The following HIPK2 variants were observed in gnomAD, a reference collection of about 807,000 sequenced individuals.
HIPK2 encodes homeodomain interacting protein kinase 2.
Under a neutral mutation model 113.7 loss-of-function variants are expected in HIPK2, and 27 were observed. That is an observed-to-expected ratio of 0.24 (90% confidence interval 0.17 to 0.33). The LOEUF is 0.33. HIPK2 is among the 10% of genes least tolerant of loss of function. The pLI, the probability that HIPK2 is intolerant of heterozygous loss-of-function variation, is 1.00. For missense variants in HIPK2, 1,257 were observed against 1,588.0 expected, an observed-to-expected ratio of 0.79 and a Z score of 3.54; for synonymous variants, 631 against 642.2, an observed-to-expected ratio of 0.98 and a Z score of 0.26.
chr7:139,686,400 T>C (rs775955529), intron 2 of HIPK2, among the ~76,000 whole-genome samples: 1 of 152,254 alleles, frequency 6.6e-6, no homozygotes, highest in African/African-American at 2.4e-5. Context: ...TTTAGAATAT[T>C]TGATATGGTT....
intron 10 of HIPK2, among the ~76,000 whole-genome samples, chr7:139,603,403 G>C (rs1483409250): frequency 6.6e-6 from 1 of 152,120 alleles, no homozygotes; most frequent in Non-Finnish European, 1.5e-5. Flanking sequence ...AAATAACAGA[G>C]GAGCGCATCT....
rs1179907947 is a variant in HIPK2 at position 139,573,269 on chromosome 7, C to T, written c.3255G>A (p.Pro1085=). 18 of 1,604,432 alleles carry T rather than the reference C, an allele frequency of 1.1e-5. No homozygotes were observed. Among genetic ancestry groups the T allele is most frequent in the Non-Finnish European group, 1.5e-5 (18 of 1,179,714 alleles). The change falls in exon 15 of 15, where the codon CCG becomes CCA. Residue 1085 remains proline (P), a synonymous_variant. Coordinates refer to ENST00000406875, the MANE Select transcript of HIPK2 (RefSeq NM_022740.5). ...CAGCGGCAGCGGCTGCAGCCAGATG[C>T]GGGTGCACAGTGCCGTGGCTGGGGC... is the stretch of plus-strand genomic sequence containing the variant. ...HNSPSHGTVH[P]HLAAAAAAAH...
chr7:139,583,608 G>A (rs995787820), intron 13 of HIPK2: 2 of 645,882 alleles, frequency 3.1e-6, no homozygotes, highest in South Asian at 2.0e-5. Flanking sequence ...TTGATTACAG[G>A]ATTAAAGAAG....
At chr7:139,766,726 C>A (rs1342486531) in intron 1 of HIPK2, among the ~76,000 whole-genome samples, 1 of 152,212 alleles carries the variant, frequency 6.6e-6, no homozygotes, top group Non-Finnish European at 1.5e-5. Flanking sequence ...TGAGTCCTTG[C>A]ATACATTATT....
In HIPK2 at chr7:139,630,003, T is replaced by A. The variant is rs1800555409; in HGVS notation, c.1348-964A>T. Among the ~76,000 whole-genome samples the A allele has an allele frequency of 6.6e-6, 1 of 151,994 alleles. No individual in the cohort carries two copies. The highest frequency in any genetic ancestry group is 2.4e-5 in the African/African-American group (1 of 41,370). The stretch of plus-strand genomic sequence containing the variant: ...TTTTGTGACTACTGGATATATATTA[T>A]CTTTAAACCATATTAGGATTTGGCT... On this transcript the variant is annotated intron_variant, in intron 4 of 14. Coordinates refer to ENST00000406875, the MANE Select transcript of HIPK2 (RefSeq NM_022740.5). This position sits in a 1 kb window ranked among gnomAD's most constrained non-coding sequence, Gnocchi z 4.0.
rs904010200 is a variant in HIPK2, at chr7:139,565,773, T to C, written c.*7154A>G. ...AAAGTTCCTGGACACCAGACCCACA[T>C]ATGGTATTTACAAATTTGGTGTGAA... On this transcript the variant is annotated 3_prime_UTR_variant, in exon 15 of 15. Coordinates refer to ENST00000406875, the MANE Select transcript of HIPK2 (RefSeq NM_022740.5). The C allele has an allele frequency of 8.6e-5, 13 of 151,204 alleles. No individual in the cohort carries two copies. The highest frequency in any genetic ancestry group is 2.4e-4 in the African/African-American group (10 of 41,166). 9.4% of individuals were successfully genotyped at this position (151,204 alleles called of 1,614,324 possible). A position where few individuals can be genotyped will look rare whatever the true frequency, so the allele number is the denominator to read the frequency against.
At chr7:139,625,659 G>A (rs936190996) in intron 6 of HIPK2, among the ~76,000 whole-genome samples, 6 of 152,108 alleles carry the variant, frequency 3.9e-5, no homozygotes, top group Non-Finnish European at 8.8e-5. Context: ...CACTTCCTGG[G>A]AGTCTTCCTG....
At chr7:139,604,289 A>C (rs1176534827) in intron 9 of HIPK2, 66 bp from the exon 10 acceptor site, 1 of 1,546,994 alleles carries the variant, frequency 6.5e-7, no homozygotes, top group Non-Finnish European at 8.8e-7. Context: ...GCATGAACCC[A>C]CACTTATTCT....
chr7:139,655,872 C>G (rs1421241424), intron 2 of HIPK2, among the ~76,000 whole-genome samples: 1 of 152,140 alleles, frequency 6.6e-6, no homozygotes. Context: ...ATTGGATGAT[C>G]ATTTAACCAT....
At chr7:139,625,617 C>T (rs1403328542) in intron 6 of HIPK2, among the ~76,000 whole-genome samples, 2 of 152,206 alleles carry the variant, frequency 1.3e-5, no homozygotes, top group Non-Finnish European at 2.9e-5. Flanking sequence ...CCTGCCTGCT[C>T]ATGCCCATCC....
intron 2 of HIPK2, among the ~76,000 whole-genome samples, chr7:139,705,384 T>C (rs1585399607): frequency 6.8e-6 from 1 of 146,392 alleles, no homozygotes; most frequent in Non-Finnish European, 1.5e-5. Context: ...GTTTCCCCCT[T>C]TTTTTTTTTT....
At chr7:139,691,803 T>C (rs1353933442) in intron 2 of HIPK2, among the ~76,000 whole-genome samples, 1 of 152,236 alleles carries the variant, frequency 6.6e-6, no homozygotes, top group Non-Finnish European at 1.5e-5. Context: ...GCTGCTCTGA[T>C]GATTAAATGA....
intron 9 of HIPK2, among the ~76,000 whole-genome samples, chr7:139,607,007 AT>A (rs1157230534): frequency 1.3e-5 from 2 of 152,242 alleles, no homozygotes; most frequent in Non-Finnish European, 2.9e-5. Flanking sequence ...GAGTTAAAAA[AT>A]ATATCCATGA....
rs1343026838 is a variant in HIPK2, at chr7:139,597,013, C to CCACACT, written c.2436-21_2436-16dup. On this transcript the variant is annotated splice_polypyrimidine_tract_variant and intron_variant, in intron 11 of 14. Coordinates refer to ENST00000406875, the MANE Select transcript of HIPK2 (RefSeq NM_022740.5). ...TGGAGACATTTCTGTAATGAGAAAA[C>CCACACT]CACACTCTCACACAGAGGAAGGTCA... 1 of 1,581,782 alleles carries CCACACT rather than the reference C, an allele frequency of 6.3e-7. No individual in the cohort carries two copies.
In HIPK2 at chr7:139,716,495, G is replaced by A. The variant is rs371112455; in HGVS notation, c.540C>T (p.Ser180=). 3.3e-5 allele frequency: 54 copies of A among 1,614,016 alleles called. 1 individual carries two copies. The South Asian group carries it at 4.5e-4, about 13-fold the overall frequency. Residue 180 remains serine, a synonymous_variant, in exon 2 of 15, where the codon AGC becomes AGT. Transcript: ENST00000406875. This position sits in a 1 kb window ranked among gnomAD's most constrained non-coding sequence, Gnocchi z 9.3. ...GCTGCACCAGCTGATAGTCGCCCTC[G>A]CTGTTGGAGCCGCTGTTTTTGGAGG... The part of the protein sequence containing the change: ...TATSKNSGSN[S]EGDYQLVQHE...
intron 2 of HIPK2, among the ~76,000 whole-genome samples, chr7:139,691,789 C>G (rs539186458): frequency 2.0e-5 from 3 of 152,172 alleles, no homozygotes; most frequent in African/African-American, 7.2e-5. Context: ...GGGGATGAAA[C>G]GGAGCTGCTC....
intron 13 of HIPK2, chr7:139,583,604 A>T: frequency 1.6e-6 from 1 of 627,400 alleles, no homozygotes; most frequent in Non-Finnish European, 2.7e-6. Flanking sequence ...GGTATTGATT[A>T]CAGGATTAAA....
chr7:139,563,226 T>C lies in HIPK2; in HGVS notation c.*9701A>G, dbSNP rs2116370822. 1.3e-5 allele frequency: 2 copies of C among 152,756 alleles called. No homozygotes were observed. The highest frequency in any genetic ancestry group is 3.9e-4 in the East Asian group (2 of 5,188). The allele number at this position is 152,756 out of a possible 1,614,324, so 9.5% of individuals were successfully genotyped here. ...ACTTTCTACTTCCCAAGTTCCTCCT[T>C]ATAACCTGAGCCAAACAATTTCAAC... On this transcript the variant is annotated 3_prime_UTR_variant, in exon 15 of 15. Coordinates refer to ENST00000406875, the MANE Select transcript of HIPK2 (RefSeq NM_022740.5).
intron 12 of HIPK2, 92 bp from the exon 13 acceptor site, chr7:139,584,156 G>A (rs906944709): frequency 6.7e-7 from 1 of 1,493,880 alleles, no homozygotes; most frequent in South Asian, 1.3e-5. Context: ...GGGGAGGGAG[G>A]CAGAGGGGAG....
Sources: gnomAD v4.1 joint callset for allele counts (sites outside exome capture counted in the v4.1 genomes callset) on GRCh38, gnomAD v4.1.1 for gene constraint, Gnocchi (gnomAD v3.1) non-coding constraint, MANE v1.5 for transcripts, NCBI Gene and HGNC (gene_info 2026-07-23, HGNC 2026-07-21) for gene names.